The following TRAPPC9 variants were observed in gnomAD, a reference collection of about 807,000 sequenced individuals.
TRAPPC9 encodes the protein IKK2 binding protein.
TRAPPC9 carries 83 observed loss-of-function variants against 124.0 expected under a neutral mutation model. That is an observed-to-expected ratio of 0.67 (90% confidence interval 0.56 to 0.80). The LOEUF is 0.80. Among genes scored for constraint, TRAPPC9 ranks in the 30% least tolerant of loss-of-function variants. The pLI is 0.00. For missense variants in TRAPPC9, 1,302 were observed against 1,508.3 expected, an observed-to-expected ratio of 0.86 and a Z score of 2.27; for synonymous variants, 638 against 617.5, an observed-to-expected ratio of 1.03 and a Z score of -0.49.
chr8:140,381,649 C>CA (rs1457874169), intron 7 of TRAPPC9, among the ~76,000 whole-genome samples: 1 of 108,486 alleles, frequency 9.2e-6, no homozygotes, highest in African/African-American at 3.8e-5. Context: ...GCCTGGACAA[C>CA]AGAGTGAGAC....
At chr8:139,928,227 C>A (rs111440429) in intron 19 of TRAPPC9, among the ~76,000 whole-genome samples, 1,817 of 152,310 alleles carry the variant, frequency 0.012, 37 homozygotes, top group African/African-American at 0.041. Flanking sequence ...TACAGTGGCT[C>A]ATGCCTATAA....
chr8:140,108,674 T>C (rs1397463127), intron 17 of TRAPPC9, among the ~76,000 whole-genome samples: 1 of 152,142 alleles, frequency 6.6e-6, no homozygotes, highest in South Asian at 2.1e-4. Flanking sequence ...TCTGATGGTG[T>C]TTTTTGTTGG....
At chr8:139,795,869 G>T (rs1049420709) in intron 21 of TRAPPC9, among the ~76,000 whole-genome samples, 1 of 152,172 alleles carries the variant, frequency 6.6e-6, no homozygotes, top group Non-Finnish European at 1.5e-5. Flanking sequence ...ATCCCAGTGC[G>T]TGAATGCACA....
At chr8:140,180,577 T>C (rs553036087) in intron 17 of TRAPPC9, among the ~76,000 whole-genome samples, 5 of 152,310 alleles carry the variant, frequency 3.3e-5, no homozygotes, top group African/African-American at 1.2e-4. Flanking sequence ...TTAAGCACTC[T>C]AGCAGAGTAA....
Position 140,070,423 on chromosome 8 carries a change from C to T in TRAPPC9, c.2557-46344G>A, listed in dbSNP as rs185657960. ...TGGAATTAATGTAAAAAAATCCATG[C>T]ATATATCCATAATACATACGCATAT... On this transcript the variant is annotated intron_variant, in intron 17 of 22. Transcript: ENST00000438773. 2.3e-3 allele frequency among the ~76,000 whole-genome samples: 346 copies of T among 152,294 alleles called. 1 individual carries two copies. The highest frequency in any genetic ancestry group is 3.7e-3 in the Non-Finnish European group (253 of 68,016).
At chr8:139,967,382 T>C (rs1835771373) in intron 19 of TRAPPC9, among the ~76,000 whole-genome samples, 1 of 152,222 alleles carries the variant, frequency 6.6e-6, no homozygotes, top group African/African-American at 2.4e-5. Context: ...TCACTAAGAT[T>C]CTGGGCCATT....
chr8:140,439,023 A>G lies in TRAPPC9; in HGVS notation c.730+29T>C, dbSNP rs939731210. The stretch of plus-strand genomic sequence containing the variant: ...TAATTAACAGTTGAAACAATTACAT[A>G]TCAGATCATCTTCATCAGCTCATCT... On this transcript the variant is annotated intron_variant, in intron 3 of 22. Transcript: ENST00000438773. The G allele has an allele frequency of 6.2e-6, 10 of 1,613,692 alleles. No homozygotes were observed. In the African/African-American group the frequency reaches 1.2e-4, roughly 19 times the overall value.
chr8:140,115,163 A>C (rs1296892393), intron 17 of TRAPPC9, among the ~76,000 whole-genome samples: 1 of 152,236 alleles, frequency 6.6e-6, no homozygotes, highest in Non-Finnish European at 1.5e-5. Flanking sequence ...AAAATGGCAC[A>C]GTATTTGCAT....
At chr8:139,891,345 G>A (rs910016407) in intron 20 of TRAPPC9, among the ~76,000 whole-genome samples, 18 of 152,234 alleles carry the variant, frequency 1.2e-4, no homozygotes, top group Middle Eastern at 3.2e-3. Flanking sequence ...CTGGCACGTC[G>A]GAGAGGCCCA....
chr8:140,306,794 CA>C (rs1471382234), intron 10 of TRAPPC9, among the ~76,000 whole-genome samples: 1 of 152,204 alleles, frequency 6.6e-6, no homozygotes. Flanking sequence ...TGCACTTTTC[CA>C]AGGTATGCTT....
At chr8:139,734,319 T>G (rs949124379) in intron 21 of TRAPPC9, among the ~76,000 whole-genome samples, 1 of 152,190 alleles carries the variant, frequency 6.6e-6, no homozygotes, top group Non-Finnish European at 1.5e-5. Flanking sequence ...ATTTTCTCAT[T>G]TGAGAGAAGT....
At chr8:139,870,273 G>A (rs922280) in intron 21 of TRAPPC9, among the ~76,000 whole-genome samples, 39,469 of 152,158 alleles carry the variant, frequency 0.26, 5,921 homozygotes, top group Admixed American at 0.36. Context: ...TAAATAAAAG[G>A]TTTGAATATT....
At chr8:140,349,219 AGAAGGGGGCCGAAGGGGG>A (rs2067452236) in intron 9 of TRAPPC9, among the ~76,000 whole-genome samples, 1 of 85,806 alleles carries the variant, frequency 1.2e-5, no homozygotes, top group African/African-American at 4.6e-5. Flanking sequence ...GGAAGGGCAC[AGAAGGGGGCCGAAGGGGG>A]CACACGACGG....
intron 17 of TRAPPC9, among the ~76,000 whole-genome samples, chr8:140,116,686 C>T (rs1368453374): frequency 6.6e-6 from 1 of 152,076 alleles, no homozygotes; most frequent in African/African-American, 2.4e-5. Flanking sequence ...AGAAGTAACC[C>T]CAGGCGCTGC....
At chr8:139,973,216 T>A (rs1587380701) in intron 19 of TRAPPC9, among the ~76,000 whole-genome samples, 1 of 152,176 alleles carries the variant, frequency 6.6e-6, no homozygotes, top group African/African-American at 2.4e-5. Flanking sequence ...CTCTGAGGCA[T>A]CCGTCCAAGA....
At chr8:139,759,994 C>T (rs1057091938) in intron 21 of TRAPPC9, among the ~76,000 whole-genome samples, 9 of 152,260 alleles carry the variant, frequency 5.9e-5, no homozygotes, top group Non-Finnish European at 1.5e-5. Context: ...GCCCAGGCCC[C>T]TGCACCAGCA....
At chr8:140,407,609 C>T (rs1207544573) in intron 5 of TRAPPC9, among the ~76,000 whole-genome samples, 1 of 152,122 alleles carries the variant, frequency 6.6e-6, no homozygotes, top group Non-Finnish European at 1.5e-5. Flanking sequence ...AACTTAATTT[C>T]TTTTTTCTTT....
chr8:139,817,883 G>T (rs1016793762), intron 21 of TRAPPC9, among the ~76,000 whole-genome samples: 13 of 152,180 alleles, frequency 8.5e-5, no homozygotes, highest in African/African-American at 3.1e-4. Context: ...GTCAGGGAGA[G>T]ACTTGCTTAC....
At chr8:140,299,657 A>G (rs945428747) in intron 11 of TRAPPC9, among the ~76,000 whole-genome samples, 1 of 152,190 alleles carries the variant, frequency 6.6e-6, no homozygotes, top group African/African-American at 2.4e-5. Context: ...AATCTCCTGC[A>G]AGGGGCCTCG....
Sources: gnomAD v4.1 joint callset for allele counts (sites outside exome capture counted in the v4.1 genomes callset) on GRCh38, gnomAD v4.1.1 for gene constraint, MANE v1.5 for transcripts, NCBI Gene and HGNC (gene_info 2026-07-23, HGNC 2026-07-21) for gene names.